Variants in GAS7 observed in about 807,000 individuals in gnomAD.
The protein encoded by GAS7 is growth arrest specific 7, also known as growth arrest-specific protein 7.
A neutral mutation model predicts 71.1 loss-of-function variants in GAS7; 28 were observed. The ratio of observed to expected loss-of-function variants is 0.39; its 90% CI spans 0.29 to 0.54. The LOEUF (loss-of-function observed/expected upper bound fraction) is 0.54. Among genes scored for constraint, GAS7 ranks in the 20% least tolerant of loss-of-function variants. The probability of loss-of-function intolerance (pLI) is 0.62; values close to 1 mark genes in which losing one functional copy is unlikely to be tolerated. For synonymous variants in GAS7, 258 were observed against 245.8 expected (o/e 1.05, Z -0.46); for missense variants, 436 against 627.8 (o/e 0.69, Z 3.27).
chr17:10,193,429 G>A (rs2074517235), intron 1 of GAS7, among the ~76,000 whole-genome samples: 1 of 152,124 alleles, frequency 6.6e-6, no homozygotes, highest in Non-Finnish European at 1.5e-5. Flanking sequence ...TTCTGAGGGA[G>A]CTAGTCTGCA....
At chr17:10,066,894 G>A (rs1376745394) in intron 1 of GAS7, among the ~76,000 whole-genome samples, 1 of 152,092 alleles carries the variant, frequency 6.6e-6, no homozygotes, top group African/African-American at 2.4e-5. Context: ...TCAAATCCAT[G>A]CTTTCCCAGG....
In GAS7 at chr17:10,160,272, T is replaced by TA. The variant is rs544896578; in HGVS notation, c.183+37935dup. Among the ~76,000 whole-genome samples the TA allele has an allele frequency of 2.5e-3, 379 of 151,206 alleles. 2 individuals carry two copies. The highest frequency in any genetic ancestry group is 8.4e-3 in the African/African-American group (347 of 41,270). ...AAAAAATTTACACTAAAAATTGTAT[T>TA]AAAAAAAAAGGTGGATCTTCAAGCA... On this transcript the variant is annotated intron_variant, in intron 1 of 13. Coordinates refer to ENST00000432992, the MANE Select transcript of GAS7 (RefSeq NM_201433.2).
intron 2 of GAS7, among the ~76,000 whole-genome samples, chr17:9,989,588 G>T (rs151140492): frequency 7.9e-5 from 12 of 152,102 alleles, no homozygotes; most frequent in African/African-American, 2.9e-4. Context: ...AGGGAGTTGT[G>T]CCAGGAGACA....
intron 1 of GAS7, among the ~76,000 whole-genome samples, chr17:10,180,804 T>C (rs1391425992): frequency 6.6e-6 from 1 of 152,066 alleles, no homozygotes; most frequent in African/African-American, 2.4e-5. Flanking sequence ...TGAAGCCAAG[T>C]AACTACCATG....
chr17:10,006,940 C>T (rs1335911430), intron 2 of GAS7, among the ~76,000 whole-genome samples: 1 of 152,170 alleles, frequency 6.6e-6, no homozygotes, highest in African/African-American at 2.4e-5. Flanking sequence ...ATAGCTCCAC[C>T]ATGAGATTCT....
intron 1 of GAS7, among the ~76,000 whole-genome samples, chr17:10,190,381 G>C (rs1281421085): frequency 6.6e-6 from 1 of 151,934 alleles, no homozygotes; most frequent in Admixed American, 6.6e-5. Context: ...TCAGGAGTTT[G>C]AGTCCAGCCT....
chr17:10,038,411 G>A (rs1365546194), intron 1 of GAS7, among the ~76,000 whole-genome samples: 1 of 152,174 alleles, frequency 6.6e-6, no homozygotes, highest in Non-Finnish European at 1.5e-5. Flanking sequence ...TAAGGATTGA[G>A]AACTGTTGGA....
At chr17:10,088,256 T>TAATAATAATAATAATAATAATAAA (rs780525609) in intron 1 of GAS7, among the ~76,000 whole-genome samples, 2 of 144,564 alleles carry the variant, frequency 1.4e-5, no homozygotes, top group South Asian at 4.7e-4. Context: ...ATAATAATAA[T>TAATAATAATAATAATAATAATAAA]AAATATGTAT....
At chr17:10,056,993 G>A (rs113655141) in intron 1 of GAS7, among the ~76,000 whole-genome samples, 1 of 152,096 alleles carries the variant, frequency 6.6e-6, no homozygotes, top group African/African-American at 2.4e-5. Context: ...ACGGGGTTTC[G>A]CTGTGTTGGC....
chr17:10,131,701 A>T (rs1412717994), intron 1 of GAS7, among the ~76,000 whole-genome samples: 1 of 152,248 alleles, frequency 6.6e-6, no homozygotes, highest in African/African-American at 2.4e-5. Context: ...TCATGAACAT[A>T]TAACATGTAC....
chr17:10,059,909 T>C, intron 1 of GAS7: 1 of 640,228 alleles, frequency 1.6e-6, no homozygotes. Flanking sequence ...AGAAGTATTC[T>C]GCAATCGGGA....
Position 10,019,808 on chromosome 17 carries a change from G to T in GAS7, c.273C>A (p.Gly91=). The change falls in exon 2 of 14, where the codon GGC becomes GGA. Residue 91 remains glycine, a synonymous_variant. Coordinates refer to ENST00000432992, the MANE Select transcript of GAS7 (RefSeq NM_201433.2). ...TGGTCGTGTTGACATAGTACCGCCG[G>T]CCCTGAGGCGACAGGTAGCTCTGCC... ...PGWQSYLSPQ[G]RRYYVNTTTN... 6.2e-7 allele frequency: 1 copy of T among 1,614,038 alleles called. No individual in the cohort carries two copies.
At chr17:10,144,543 CT>C (rs1302481046) in intron 1 of GAS7, among the ~76,000 whole-genome samples, 3 of 151,880 alleles carry the variant, frequency 2.0e-5, no homozygotes, top group African/African-American at 4.8e-5. Flanking sequence ...ATGTTAATTT[CT>C]TTTTTTTCTT....
intron 1 of GAS7, among the ~76,000 whole-genome samples, chr17:10,152,860 G>A (rs2074176729): frequency 6.6e-6 from 1 of 152,078 alleles, no homozygotes; most frequent in Non-Finnish European, 1.5e-5. Context: ...GACAGGCCAA[G>A]CAAGGGTAGG....
At position 10,026,716 on chromosome 17, in the gene GAS7, C is replaced by A. The variant is rs968353044; in HGVS notation, c.184-6819G>T. On this transcript the variant is annotated intron_variant, in intron 1 of 13. Coordinates refer to ENST00000432992, the MANE Select transcript of GAS7 (RefSeq NM_201433.2). The surrounding 1 kb of genome is among the most constrained non-coding windows in gnomAD (Gnocchi z 4.5). ...GCTGGAGACTGGCAATTCACTCCCA[C>A]GTCATGCCTTCCTGGTGGACACCTG... Among the ~76,000 whole-genome samples, 3 of 152,194 alleles carry A rather than the reference C, an allele frequency of 2.0e-5. No homozygotes were observed. The highest frequency in any genetic ancestry group is 7.2e-5 in the African/African-American group (3 of 41,460).
intron 1 of GAS7, among the ~76,000 whole-genome samples, chr17:10,153,722 A>C (rs112672397): frequency 7.9e-5 from 12 of 152,282 alleles, no homozygotes; most frequent in African/African-American, 2.4e-4. Flanking sequence ...CCCATTTTAC[A>C]GATGAGGAAA....
intron 5 of GAS7, among the ~76,000 whole-genome samples, chr17:9,947,751 C>G (rs988341386): frequency 1.2e-3 from 156 of 127,374 alleles, no homozygotes; most frequent in African/African-American, 4.7e-3. Flanking sequence ...ATTGTACGAA[C>G]GAAACTATGT....
chr17:10,066,517 G>C (rs2073282766), intron 1 of GAS7, among the ~76,000 whole-genome samples: 1 of 151,794 alleles, frequency 6.6e-6, no homozygotes, highest in African/African-American at 2.4e-5. Context: ...TTTTTGTTTT[G>C]CAGAGACAGA....
chr17:10,050,558 G>T (rs187193857), intron 1 of GAS7, among the ~76,000 whole-genome samples: 38 of 152,218 alleles, frequency 2.5e-4, no homozygotes, highest in African/African-American at 8.9e-4. Flanking sequence ...AGATGGCACA[G>T]CAGAACCAAG....
Sources: gnomAD v4.1 joint callset for allele counts (sites outside exome capture counted in the v4.1 genomes callset) on GRCh38, gnomAD v4.1.1 for gene constraint, Gnocchi (gnomAD v3.1) non-coding constraint, MANE v1.5 for transcripts, NCBI Gene and HGNC (gene_info 2026-07-23, HGNC 2026-07-21) for gene names.